The following ZNF800 variants were observed in gnomAD, a reference collection of about 807,000 sequenced individuals.
ZNF800 encodes zinc finger protein 800.
A neutral mutation model predicts 59.5 loss-of-function variants in ZNF800; 13 were observed. The ratio of observed to expected loss-of-function variants is 0.22; its 90% confidence interval spans 0.14 to 0.35. The LOEUF (loss-of-function observed/expected upper bound fraction) is 0.35. Ranked by LOEUF, ZNF800 falls within the 10% of genes least tolerant of loss-of-function variation. The pLI is 1.00. For missense variants in ZNF800, 621 were observed against 783.7 expected, an observed-to-expected ratio of 0.79 and a Z score of 2.48; for synonymous variants, 266 against 265.7, an observed-to-expected ratio of 1.00 and a Z score of -0.01.
chr7:127,355,944 A>G (rs1160293238), intron 1 of ZNF800, among the ~76,000 whole-genome samples: 5 of 151,972 alleles, frequency 3.3e-5, no homozygotes, highest in African/African-American at 1.2e-4. Context: ...CAGGTACCTA[A>G]TATTATTTCC....
chr7:127,364,604 T>C (rs1267847246), intron 1 of ZNF800: 3 of 152,054 alleles, frequency 2.0e-5, no homozygotes, highest in East Asian at 3.9e-4. Context: ...CTGAAAGGAA[T>C]TTGAGCATGT....
At chr7:127,364,583 T>TTA (rs1800464946) in intron 1 of ZNF800, 2 of 152,044 alleles carry the variant, frequency 1.3e-5, no homozygotes, top group African/African-American at 2.4e-5. Context: ...GAAGAGAAGT[T>TTA]TATTTTTTGA....
At chr7:127,387,448 G>A (rs1278813334) in intron 2 of ZNF800, among the ~76,000 whole-genome samples, 9 of 152,222 alleles carry the variant, frequency 5.9e-5, no homozygotes, top group Non-Finnish European at 1.3e-4. Context: ...ACTGTGCTAT[G>A]TATATAGATA....
intron 1 of ZNF800, among the ~76,000 whole-genome samples, chr7:127,352,238 A>C (rs907045277): frequency 3.3e-5 from 5 of 152,246 alleles, no homozygotes; most frequent in Non-Finnish European, 7.3e-5. Context: ...ACTTGGACTC[A>C]AAACCAGTTA....
chr7:127,357,291 C>T (rs994214584), intron 1 of ZNF800, among the ~76,000 whole-genome samples: 5 of 152,058 alleles, frequency 3.3e-5, no homozygotes, highest in East Asian at 1.9e-4. Flanking sequence ...AGGATGACAA[C>T]GCAGGATCTA....
intron 1 of ZNF800, chr7:127,362,197 T>C (rs1423194225): frequency 1.3e-5 from 2 of 152,132 alleles, no homozygotes; most frequent in African/African-American, 4.8e-5. Context: ...GAAAAAAATC[T>C]AGTAAGCTGT....
chr7:127,359,312 C>A (rs905705790), intron 1 of ZNF800, among the ~76,000 whole-genome samples: 1 of 152,026 alleles, frequency 6.6e-6, no homozygotes, highest in Non-Finnish European at 1.5e-5. Flanking sequence ...CCCCAGCATC[C>A]CTTCAGCTTC....
At chr7:127,363,888 G>C (rs1800446611) in intron 1 of ZNF800, 1 of 152,038 alleles carries the variant, frequency 6.6e-6, no homozygotes, top group African/African-American at 2.4e-5. Flanking sequence ...GGGGTTTTTG[G>C]CCAAAAGTGT....
rs779500074 is a variant in ZNF800 at position 127,374,123 on chromosome 7, C to T, written c.1213G>A (p.Glu405Lys). The T allele has an allele frequency of 6.2e-7, 1 of 1,613,694 alleles. No homozygotes were observed. Among genetic ancestry groups the T allele is most frequent in the South Asian group, 1.1e-5 (1 of 91,052 alleles). The change falls in exon 5 of 6, where the codon GAA becomes AAA. Residue 405 changes from glutamate (E) to lysine (K), a missense_variant. Coordinates refer to ENST00000265827, the MANE Select transcript of ZNF800 (RefSeq NM_176814.5). ...KGPNNTANSS[E>K]IKVKVEPADS... ...GCTGGTTCAACTTTAACTTTTATTT[C>T]TGAACTGTTGGCAGTATTATTAGGG... is the stretch of plus-strand genomic sequence containing the variant.
At position 127,387,917 on chromosome 7, in the gene ZNF800, A is replaced by AACACACACACACACACACAC. The variant is rs141731563; in HGVS notation, c.62-1782_62-1763dup. Reference sequence around the variant, plus strand: ...TTAGGTGTATTTTAGATTAATTAAGAACACACACACACACACACACACACA... The same window carrying AACACACACACACACACACAC: ...TTAGGTGTATTTTAGATTAATTAAGAACACACACACACACACACACACACACACACACACACACACACACA... On this transcript the variant is annotated intron_variant, in intron 2 of 5. Transcript: ENST00000265827. Among the ~76,000 whole-genome samples the AACACACACACACACACACAC allele has an allele frequency of 2.0e-5, 3 of 147,730 alleles. No individual in the cohort carries two copies. The Admixed American group carries it at 2.0e-4, about 10-fold the overall frequency.
intron 3 of ZNF800, among the ~76,000 whole-genome samples, chr7:127,380,334 G>A (rs1481533093): frequency 6.6e-6 from 1 of 152,066 alleles, no homozygotes; most frequent in Non-Finnish European, 1.5e-5. Flanking sequence ...AAATACTACA[G>A]AGCTCTATGT....
At chr7:127,368,900 C>G (rs888246633), downstream of ZNF800, among the ~76,000 whole-genome samples, 1 of 151,818 alleles carries the variant, frequency 6.6e-6, no homozygotes, top group Non-Finnish European at 1.5e-5. Flanking sequence ...ACTAAAGCAA[C>G]CTGTGTCAAC....
intron 3 of ZNF800, among the ~76,000 whole-genome samples, chr7:127,379,844 A>T (rs868527005): frequency 2.9e-4 from 4 of 13,934 alleles, no homozygotes; most frequent in Admixed American, 8.1e-4. Context: ...CCACCCCCCC[A>T]CCCCCCCACC....
intron 1 of ZNF800, among the ~76,000 whole-genome samples, chr7:127,349,094 T>C (rs1167527194): frequency 6.6e-6 from 1 of 152,004 alleles, no homozygotes; most frequent in Non-Finnish European, 1.5e-5. Context: ...TTTTGAGAAA[T>C]GTAATTTGAT....
chr7:127,379,518 A>G (rs1238558420), intron 3 of ZNF800, among the ~76,000 whole-genome samples: 1 of 152,220 alleles, frequency 6.6e-6, no homozygotes, highest in Non-Finnish European at 1.5e-5. Context: ...AGATTTAAAT[A>G]GGATACATGT....
At chr7:127,384,038 G>T (rs182274763) in intron 3 of ZNF800, among the ~76,000 whole-genome samples, 88 of 151,628 alleles carry the variant, frequency 5.8e-4, no homozygotes, top group Non-Finnish European at 9.7e-4. Flanking sequence ...CAAACACAGA[G>T]AACAGATATG....
chr7:127,362,089 C>T (rs926694153), intron 1 of ZNF800: 1 of 152,082 alleles, frequency 6.6e-6, no homozygotes, highest in Non-Finnish European at 1.5e-5. Context: ...TATTCCAAGG[C>T]CAAGCATAGA....
chr7:127,392,055 C>T lies in ZNF800; in HGVS notation c.-59+5G>A. ...CGTCCCCACAACCAAGTGCGCCCAACTTACTCAACTCTTAGGGCGGGCCGG... is the reference window on the plus strand; with the variant it reads ...CGTCCCCACAACCAAGTGCGCCCAATTTACTCAACTCTTAGGGCGGGCCGG... On this transcript the variant is annotated splice_donor_5th_base_variant and intron_variant, in intron 1 of 5. Transcript: ENST00000265827. 1 of 389,806 alleles carries T rather than the reference C, an allele frequency of 2.6e-6. No homozygotes were observed. The highest frequency in any genetic ancestry group is 3.6e-5 in the East Asian group (1 of 27,402). The allele number at this position is 389,806 out of a possible 1,614,324, so 24.1% of individuals were successfully genotyped here.
Position 127,374,542 on chromosome 7 carries a change from T to G in ZNF800, c.794A>C (p.Glu265Ala). The G allele has an allele frequency of 1.2e-6, 2 of 1,614,188 alleles. No individual in the cohort carries two copies. Among genetic ancestry groups the G allele is most frequent in the Non-Finnish European group, 1.7e-6 (2 of 1,180,002 alleles). The change falls in exon 5 of 6, where the codon GAA becomes GCA. Residue 265 changes from glutamate to alanine, a missense_variant. Physicochemically the swap from Glu to Ala is moderately radical, Grantham distance 107. This residue lies in a region of ZNF800 where 218 missense variants were observed against 230.8 expected (regional missense o/e 0.94). Coordinates refer to ENST00000265827, the MANE Select transcript of ZNF800 (RefSeq NM_176814.5). Reference protein sequence around the residue: ...KKMEELKKYIETRKNPNQSSK... With the variant: ...KKMEELKKYIATRKNPNQSSK... ...GGATTGGTTTGGATTCTTTCGTGTT[T>G]CAATGTACTTTTTTAGTTCTTCCAT...
Sources: gnomAD v4.1 joint callset for allele counts (sites outside exome capture counted in the v4.1 genomes callset) on GRCh38, gnomAD v4.1.1 for gene constraint, gnomAD v4.1.1 regional missense constraint, MANE v1.5 for transcripts, NCBI Gene and HGNC (gene_info 2026-07-23, HGNC 2026-07-21) for gene names.